PRR5: variants seen among roughly 807,000 people sequenced by gnomAD.
PRR5 encodes proline-rich protein 5.
Under a neutral mutation model 30.6 loss-of-function variants are expected in PRR5, and 25 were observed. That is an observed-to-expected ratio of 0.82 (90% CI 0.60 to 1.14). PRR5 has a LOEUF of 1.14. Ranked by LOEUF, PRR5 falls within the 50% of genes most tolerant of loss-of-function variation. The pLI is 0.00. For missense variants in PRR5, 600 were observed against 547.1 expected, an observed-to-expected ratio of 1.10 and a Z score of -0.96; for synonymous variants, 286 against 247.1, an observed-to-expected ratio of 1.16 and a Z score of -1.48.
At chr22:44,731,437 A>C in intron 4 of PRR5, 1 of 501,244 alleles carries the variant, frequency 2.0e-6, no homozygotes, top group African/African-American at 1.9e-5. Flanking sequence ...GTCATCTGCC[A>C]GGAGCAGACC....
At chr22:44,735,963 G>A (rs62228492) in intron 7 of PRR5, among the ~76,000 whole-genome samples, 1,572 of 152,336 alleles carry the variant, frequency 0.01, 17 homozygotes, top group Middle Eastern at 0.027. Context: ...GCCCCTGCCT[G>A]ATGGGACCCG....
intron 4 of PRR5, chr22:44,730,803 G>A: frequency 1.9e-6 from 1 of 535,348 alleles, no homozygotes; most frequent in Non-Finnish European, 2.9e-6. Context: ...GAGCTGGCCT[G>A]GCCCTGGGTC....
At chr22:44,670,759 G>A (rs1045171783) in intron 1 of PRR5, among the ~76,000 whole-genome samples, 1 of 152,216 alleles carries the variant, frequency 6.6e-6, no homozygotes, top group Admixed American at 6.5e-5. Flanking sequence ...CTGCCTGGCA[G>A]AGGCGGGCAG....
At chr22:44,725,393 C>G (rs1202637925) in intron 3 of PRR5, 101 bp downstream of exon 3, 6 of 1,521,670 alleles carry the variant, frequency 3.9e-6, no homozygotes, top group Non-Finnish European at 5.4e-6. Flanking sequence ...CCGGCTCCCC[C>G]ACTGTCTGCC....
chr22:44,691,637 G>C lies in PRR5; in HGVS notation c.-10-10855G>C, dbSNP rs1925248269. 6.6e-6 allele frequency among the ~76,000 whole-genome samples: 1 copy of C among 152,186 alleles called. No homozygotes were observed. The highest frequency in any genetic ancestry group is 2.4e-5 in the African/African-American group (1 of 41,460). On this transcript the variant is annotated intron_variant, in intron 1 of 8. Transcript: ENST00000006251. This position sits in a 1 kb window ranked among gnomAD's most constrained non-coding sequence, Gnocchi z 4.4. Reference sequence around the variant, plus strand: ...AAAAACACAAAAACTAGCCAGGCGTGGTGGTGCACGCCTGTAATCGCAGCT... The same window carrying C: ...AAAAACACAAAAACTAGCCAGGCGTCGTGGTGCACGCCTGTAATCGCAGCT...
At chr22:44,728,987 C>T (rs1239777048) in intron 4 of PRR5, among the ~76,000 whole-genome samples, 2 of 152,192 alleles carry the variant, frequency 1.3e-5, no homozygotes, top group African/African-American at 2.4e-5. Flanking sequence ...GTTTGATGGC[C>T]TGTGTGTGGC....
At position 44,731,937 on chromosome 22, in the gene PRR5, G is replaced by A; in HGVS notation, c.414+116G>A. On this transcript the variant is annotated intron_variant, in intron 5 of 7. Transcript: ENST00000336985. Reference sequence around the variant, plus strand: ...GACACACACACCTGCTCTGCTCTGTGCTGCTCTCCTTGGGCTACCTGAGTT... The same window carrying A: ...GACACACACACCTGCTCTGCTCTGTACTGCTCTCCTTGGGCTACCTGAGTT... 6.5e-6 allele frequency: 7 copies of A among 1,074,006 alleles called. No individual in the cohort carries two copies. The East Asian group carries it at 1.1e-4, about 17-fold the overall frequency. The allele number at this position is 1,074,006 out of a possible 1,614,324, so 66.5% of individuals were successfully genotyped here.
rs550747031 is a variant in PRR5, at chr22:44,719,753, C to G, written c.215+5082C>G. 2.6e-5 allele frequency among the ~76,000 whole-genome samples: 4 copies of G among 152,280 alleles called. No individual in the cohort carries two copies. The South Asian group carries it at 8.3e-4, about 32-fold the overall frequency. Reference sequence around the variant, plus strand: ...TAGCGCAGGAGTTCATGGACAGGAGCTGGGGCCGCCTGCTCCCTGCAAGGC... The same window carrying G: ...TAGCGCAGGAGTTCATGGACAGGAGGTGGGGCCGCCTGCTCCCTGCAAGGC... On this transcript the variant is annotated intron_variant, in intron 2 of 7. Transcript: ENST00000336985.
chr22:44,688,808 T>C (rs1924982229), intron 1 of PRR5, among the ~76,000 whole-genome samples: 1 of 152,028 alleles, frequency 6.6e-6, no homozygotes, highest in Admixed American at 6.6e-5. Flanking sequence ...GCCCACATGG[T>C]GAAACCCTGT....
rs1923296813 is a variant in PRR5, at chr22:44,669,454, G to A, written c.-11+649G>A. ...CCCCGGGACAGAGACTCCAGGGCTGGAGCGCTTAGTGGTCTGTAAGGTCAG... is the reference window on the plus strand; with the variant it reads ...CCCCGGGACAGAGACTCCAGGGCTGAAGCGCTTAGTGGTCTGTAAGGTCAG... On this transcript the variant is annotated intron_variant, in intron 1 of 8. Coordinates refer to the PRR5 transcript ENST00000432186. Among the ~76,000 whole-genome samples the A allele has an allele frequency of 2.6e-5, 4 of 152,326 alleles. No homozygotes were observed. In the South Asian group the frequency reaches 8.3e-4, roughly 32 times the overall value.
intron 4 of PRR5, chr22:44,730,751 T>C: frequency 2.3e-6 from 2 of 857,830 alleles, no homozygotes; most frequent in South Asian, 2.9e-5. Flanking sequence ...GGTGCTGCTA[T>C]TGGAAGGGGT....
At chr22:44,728,028 A>G (rs1305745519) in intron 4 of PRR5, among the ~76,000 whole-genome samples, 1 of 152,136 alleles carries the variant, frequency 6.6e-6, no homozygotes, top group East Asian at 1.9e-4. Flanking sequence ...CTCCCACCAG[A>G]TCTGGCCTAG....
At chr22:44,680,733 C>CA (rs59936734) in intron 1 of PRR5, among the ~76,000 whole-genome samples, 13,990 of 152,198 alleles carry the variant, frequency 0.092, 804 homozygotes, top group East Asian at 0.27. Flanking sequence ...GAGACCCCCC[C>CA]ACACACACCA....
At chr22:44,686,634 G>C (rs940504380) in intron 1 of PRR5, among the ~76,000 whole-genome samples, 26 of 152,328 alleles carry the variant, frequency 1.7e-4, no homozygotes, top group African/African-American at 6.3e-4. Flanking sequence ...TCCTGCCTCA[G>C]CCTCCTGAGT....
At chr22:44,711,004 G>A (rs768062646) in intron 1 of PRR5, among the ~76,000 whole-genome samples, 4 of 151,888 alleles carry the variant, frequency 2.6e-5, no homozygotes, top group Non-Finnish European at 5.9e-5. Context: ...TGGTAACTCG[G>A]CCGAGTTACC....
chr22:44,698,237 C>T (rs189158848), upstream of PRR5, among the ~76,000 whole-genome samples: 7 of 152,220 alleles, frequency 4.6e-5, no homozygotes, highest in East Asian at 7.7e-4. Flanking sequence ...GAGGAGAGGA[C>T]GTGGTTGATG....
intron 1 of PRR5, among the ~76,000 whole-genome samples, chr22:44,710,291 C>T (rs1240514085): frequency 1.3e-5 from 2 of 152,132 alleles, no homozygotes; most frequent in South Asian, 2.1e-4. Flanking sequence ...CTGCACCCCC[C>T]CCCCAGCGCT....
upstream of PRR5, among the ~76,000 whole-genome samples, chr22:44,698,423 C>T (rs1465622027): frequency 2.0e-5 from 3 of 151,798 alleles, no homozygotes; most frequent in African/African-American, 7.3e-5. Context: ...GGGGGCCACT[C>T]TGGTGGCTTT....
At chr22:44,707,893 CCTT>C (rs1287246103) in intron 1 of PRR5, among the ~76,000 whole-genome samples, 1 of 152,196 alleles carries the variant, frequency 6.6e-6, no homozygotes, top group Non-Finnish European at 1.5e-5. Flanking sequence ...GCCGGGCCCA[CCTT>C]CTGCTTGAAG....
Sources: gnomAD v4.1 joint callset for allele counts (sites outside exome capture counted in the v4.1 genomes callset) on GRCh38, gnomAD v4.1.1 for gene constraint, Gnocchi (gnomAD v3.1) non-coding constraint, MANE v1.5 for transcripts, NCBI Gene and HGNC (gene_info 2026-07-23, HGNC 2026-07-21) for gene names.